Variants in CELF4 observed in about 807,000 individuals in gnomAD.
CELF4 encodes the protein CUGBP Elav-like family member 4.
CELF4 carries 18 observed loss-of-function variants against 59.9 expected under a neutral mutation model. The observed-to-expected ratio is 0.30, with a 90% CI of 0.21 to 0.45. The LOEUF (loss-of-function observed/expected upper bound fraction) is 0.45, where lower values mean the gene tolerates loss of function less well. CELF4 is among the 20% of genes least tolerant of loss of function. CELF4 has a pLI of 1.00. For synonymous variants in CELF4, 261 were observed against 267.1 expected (o/e 0.98, Z 0.22); for missense variants, 456 against 689.0 (o/e 0.66, Z 3.79).
At chr18:37,418,910 T>C (rs908663170) in intron 2 of CELF4, among the ~76,000 whole-genome samples, 2 of 152,246 alleles carry the variant, frequency 1.3e-5, no homozygotes, top group African/African-American at 4.8e-5. Context: ...TTAGGTGTGC[T>C]TGATAATTTC....
At chr18:37,275,340 G>A in intron 3 of CELF4, 97 bp from the exon 4 acceptor site, 1 of 1,393,598 alleles carries the variant, frequency 7.2e-7, no homozygotes, top group Non-Finnish European at 9.5e-7. Context: ...AAAGGGAGGA[G>A]CCGGGGAGGC....
chr18:37,474,972 C>T (rs1175268246), intron 2 of CELF4, among the ~76,000 whole-genome samples: 2 of 152,224 alleles, frequency 1.3e-5, no homozygotes, highest in African/African-American at 2.4e-5. Flanking sequence ...GGCACAACCT[C>T]GGCCACAGCC....
At chr18:37,296,118 C>T (rs2095625261) in intron 3 of CELF4, among the ~76,000 whole-genome samples, 1 of 152,226 alleles carries the variant, frequency 6.6e-6, no homozygotes, top group Non-Finnish European at 1.5e-5. Flanking sequence ...GCATCCCTGC[C>T]TCTTGGCTTG....
At chr18:37,547,861 A>T (rs2099981952) in intron 1 of CELF4, among the ~76,000 whole-genome samples, 3 of 151,890 alleles carry the variant, frequency 2.0e-5, no homozygotes, top group Non-Finnish European at 4.4e-5. Flanking sequence ...GTGTGAGGGT[A>T]TGTATCTGGG....
chr18:37,367,421 G>A (rs1240857245), intron 2 of CELF4, among the ~76,000 whole-genome samples: 1 of 152,020 alleles, frequency 6.6e-6, no homozygotes, highest in East Asian at 1.9e-4. Flanking sequence ...CCAGCCCTGG[G>A]AGGCAGCAGT....
chr18:37,459,564 G>C (rs1010557243), intron 2 of CELF4, among the ~76,000 whole-genome samples: 1 of 152,074 alleles, frequency 6.6e-6, no homozygotes, highest in Non-Finnish European at 1.5e-5. Context: ...ATGAGGACTG[G>C]ACAGCAGTTT....
At chr18:37,485,740 C>A (rs1400389572) in intron 1 of CELF4, 133 bp from the exon 2 acceptor site, 3 of 430,150 alleles carry the variant, frequency 7.0e-6, no homozygotes, top group Non-Finnish European at 1.2e-5. Flanking sequence ...CTTTCTCTCC[C>A]GTGCACTGTT....
At chr18:37,424,053 G>T (rs536746065) in intron 2 of CELF4, among the ~76,000 whole-genome samples, 106 of 151,772 alleles carry the variant, frequency 7.0e-4, no homozygotes, top group Non-Finnish European at 1.3e-3. Flanking sequence ...CCATGCACTT[G>T]GAATGATCTA....
At chr18:37,262,271 G>C (rs1021081741) in intron 10 of CELF4, among the ~76,000 whole-genome samples, 1 of 152,172 alleles carries the variant, frequency 6.6e-6, no homozygotes. Flanking sequence ...CCCTGGGGTG[G>C]CTCAACCCAT....
chr18:37,395,948 C>G (rs539005504), intron 2 of CELF4, among the ~76,000 whole-genome samples: 1 of 152,346 alleles, frequency 6.6e-6, no homozygotes, highest in East Asian at 1.9e-4. Context: ...CTGCTCTCTT[C>G]TTGCTCGGCT....
chr18:37,447,834 A>G (rs1419857888), intron 2 of CELF4, among the ~76,000 whole-genome samples: 10 of 152,132 alleles, frequency 6.6e-5, no homozygotes, highest in Admixed American at 4.6e-4. Flanking sequence ...GCCTCTTCCC[A>G]TCTTTGTTCA....
At chr18:37,348,225 T>TC (rs34324657) in intron 2 of CELF4, among the ~76,000 whole-genome samples, 27,788 of 152,100 alleles carry the variant, frequency 0.18, 2,609 homozygotes, top group East Asian at 0.26. Context: ...AGCCACAATT[T>TC]CCCCACCTGC....
chr18:37,558,423 T>C (rs1272683117), intron 1 of CELF4, among the ~76,000 whole-genome samples: 1 of 151,228 alleles, frequency 6.6e-6, no homozygotes, highest in Admixed American at 6.6e-5. Flanking sequence ...TACCTTTAAC[T>C]TCTCTTATGT....
chr18:37,545,217 A>C (rs899970674), intron 1 of CELF4, among the ~76,000 whole-genome samples: 1 of 152,202 alleles, frequency 6.6e-6, no homozygotes, highest in African/African-American at 2.4e-5. Context: ...AGGAGCGGGT[A>C]GTGTCCTCAG....
chr18:37,299,485 G>A (rs1302127627), intron 3 of CELF4, among the ~76,000 whole-genome samples: 2 of 152,050 alleles, frequency 1.3e-5, no homozygotes, highest in Non-Finnish European at 1.5e-5. Flanking sequence ...CTTGGGCCAC[G>A]TGGAACCCTC....
intron 1 of CELF4, among the ~76,000 whole-genome samples, chr18:37,510,709 C>T (rs2099943271): frequency 6.9e-6 from 1 of 145,672 alleles, no homozygotes; most frequent in Admixed American, 7.0e-5. Flanking sequence ...CTTCTCTGCC[C>T]TGGGCTTCTG....
At chr18:37,524,362 G>A (rs1319006816) in intron 1 of CELF4, among the ~76,000 whole-genome samples, 2 of 152,180 alleles carry the variant, frequency 1.3e-5, no homozygotes, top group African/African-American at 4.8e-5. Flanking sequence ...ATGCCAACCC[G>A]AGGAATAAGG....
chr18:37,365,674 C>A (rs1198591735), intron 2 of CELF4, among the ~76,000 whole-genome samples: 1 of 151,852 alleles, frequency 6.6e-6, no homozygotes, highest in Non-Finnish European at 1.5e-5. Flanking sequence ...TTAGTAGAGA[C>A]CAGGTTTCAC....
rs142339212 is a variant in CELF4 at position 37,384,095 on chromosome 18, C to A, written c.370-62214G>T. ...GGAGACTGGGCAGAGACGCTCAATG[C>A]GGGGGTGACAGAGAGATAGATACAT... On this transcript the variant is annotated intron_variant, in intron 2 of 12. Transcript: ENST00000420428. 8.3e-3 allele frequency among the ~76,000 whole-genome samples: 1,260 copies of A among 151,968 alleles called. 15 individuals carry two copies. Among genetic ancestry groups the A allele is most frequent in the African/African-American group, 0.029 (1,191 of 41,368 alleles).
Sources: allele counts gnomAD v4.1 joint callset (sites outside exome capture counted in the v4.1 genomes callset), GRCh38; gene constraint gnomAD v4.1.1; transcripts MANE v1.5; gene names NCBI Gene and HGNC (gene_info 2026-07-23, HGNC 2026-07-21).